The following SLC39A11 variants were observed in gnomAD, a reference collection of about 807,000 sequenced individuals.
SLC39A11 encodes the protein solute carrier family 39 member 11, also known as zinc transporter ZIP11.
SLC39A11 carries 33 observed loss-of-function variants against 36.1 expected under a neutral mutation model. The observed-to-expected ratio is 0.91, with a 90% CI of 0.69 to 1.22. The LOEUF (loss-of-function observed/expected upper bound fraction) is 1.22, where lower values mean the gene tolerates loss of function less well. Among genes scored for constraint, SLC39A11 ranks in the 50% most tolerant of loss-of-function variants. The probability of loss-of-function intolerance (pLI) is 0.00; values close to 1 mark genes in which losing one functional copy is unlikely to be tolerated. For missense variants in SLC39A11, 432 were observed against 430.3 expected (o/e 1.00, Z -0.03); for synonymous variants, 166 against 170.3 (o/e 0.97, Z 0.20).
At chr17:72,723,274 T>C (rs2073780562) in intron 7 of SLC39A11, among the ~76,000 whole-genome samples, 1 of 152,098 alleles carries the variant, frequency 6.6e-6, no homozygotes, top group Non-Finnish European at 1.5e-5. Context: ...TGAGCACGTG[T>C]CTTAAAATCC....
chr17:72,890,267 A>G (rs1488505941), intron 5 of SLC39A11, among the ~76,000 whole-genome samples: 1 of 135,646 alleles, frequency 7.4e-6, no homozygotes, highest in African/African-American at 2.8e-5. Context: ...TCCATCTCAA[A>G]CAAACAACAA....
At chr17:72,735,719 C>A (rs2074399802) in intron 7 of SLC39A11, among the ~76,000 whole-genome samples, 1 of 152,136 alleles carries the variant, frequency 6.6e-6, no homozygotes, top group Admixed American at 6.6e-5. Context: ...AGTTTGCTGC[C>A]CTCAGATAGA....
intron 6 of SLC39A11, among the ~76,000 whole-genome samples, chr17:72,830,841 T>C (rs1260329750): frequency 6.6e-6 from 1 of 152,250 alleles, no homozygotes; most frequent in Middle Eastern, 3.4e-3. Context: ...CATTGGCTTA[T>C]TCCCCTGTCG....
intron 6 of SLC39A11, among the ~76,000 whole-genome samples, chr17:72,834,087 T>C: frequency 7.3e-6 from 1 of 136,462 alleles, no homozygotes; most frequent in East Asian, 2.6e-4. Context: ...AACAAACAAT[T>C]TGTGAAGTTA....
chr17:72,894,669 C>CAA (rs10657098), intron 5 of SLC39A11, among the ~76,000 whole-genome samples: 51,889 of 120,850 alleles, frequency 0.43, 10,951 homozygotes, highest in East Asian at 0.72. Flanking sequence ...GACCCTGTCT[C>CAA]AAAAAAAAAA....
intron 6 of SLC39A11, among the ~76,000 whole-genome samples, chr17:72,777,358 T>TC (rs2076170275): frequency 6.6e-6 from 1 of 151,752 alleles, no homozygotes; most frequent in South Asian, 2.1e-4. Flanking sequence ...TTGACCAGTA[T>TC]CCCCCCAAAA....
intron 7 of SLC39A11, among the ~76,000 whole-genome samples, chr17:72,688,041 A>G (rs2071839501): frequency 6.6e-6 from 1 of 152,178 alleles, no homozygotes; most frequent in Non-Finnish European, 1.5e-5. Context: ...ACAAACAGGA[A>G]AGAACCCAGC....
Position 72,947,552 on chromosome 17 carries a change from T to C in SLC39A11, c.430+200A>G, listed in dbSNP as rs1026836636. 4.1e-6 allele frequency: 3 copies of C among 734,080 alleles called. No individual in the cohort carries two copies. The Admixed American group carries it at 7.2e-5, about 18-fold the overall frequency. The allele number at this position is 734,080 out of a possible 1,614,324, so 45.5% of individuals were successfully genotyped here. On this transcript the variant is annotated intron_variant, in intron 5 of 9. Transcript: ENST00000255559. ...CCTTCTGTAGACTAAGCATGTGGTTTGGACAACAAATGAGAAATGAAGGTG... is the reference window on the plus strand; with the variant it reads ...CCTTCTGTAGACTAAGCATGTGGTTCGGACAACAAATGAGAAATGAAGGTG...
At chr17:72,669,761 A>AG (rs2070912039) in intron 7 of SLC39A11, among the ~76,000 whole-genome samples, 1 of 152,128 alleles carries the variant, frequency 6.6e-6, no homozygotes, top group East Asian at 1.9e-4. Flanking sequence ...TGAGAGACTG[A>AG]GGGGGGCAGA....
chr17:72,917,632 G>A (rs971236930), intron 5 of SLC39A11, among the ~76,000 whole-genome samples: 3 of 152,208 alleles, frequency 2.0e-5, no homozygotes, highest in Non-Finnish European at 4.4e-5. Context: ...TCATTTGCCT[G>A]ACAATTTAAC....
At chr17:72,808,528 A>G (rs992078255) in intron 6 of SLC39A11, among the ~76,000 whole-genome samples, 2 of 152,214 alleles carry the variant, frequency 1.3e-5, no homozygotes, top group Non-Finnish European at 2.9e-5. Context: ...AGGGGCCTGA[A>G]TTCTGCTAAA....
At chr17:72,937,564 G>A (rs1018737755) in intron 5 of SLC39A11, among the ~76,000 whole-genome samples, 4 of 152,170 alleles carry the variant, frequency 2.6e-5, no homozygotes, top group Non-Finnish European at 5.9e-5. Context: ...GAGGAGTTAG[G>A]AAAGCTGGCC....
chr17:72,700,117 G>A (rs2072539149), intron 7 of SLC39A11, among the ~76,000 whole-genome samples: 1 of 152,178 alleles, frequency 6.6e-6, no homozygotes, highest in Non-Finnish European at 1.5e-5. Flanking sequence ...TGCGCCTGGG[G>A]CGAAGGGACA....
At chr17:73,031,412 C>G in intron 4 of SLC39A11, 144 bp downstream of exon 4, 1 of 832,814 alleles carries the variant, frequency 1.2e-6, no homozygotes, top group Non-Finnish European at 1.8e-6. Context: ...CCGATCAGTT[C>G]CTCTAATGCC....
chr17:73,054,162 A>C (rs2059593788), intron 3 of SLC39A11, among the ~76,000 whole-genome samples: 1 of 152,148 alleles, frequency 6.6e-6, no homozygotes, highest in Non-Finnish European at 1.5e-5. Flanking sequence ...CCGGAGTTCG[A>C]GACCAGCCTG....
Position 73,004,232 on chromosome 17 carries a change from A to AAAGAAAGAAAAGAAAAG in SLC39A11, c.306+27323_306+27324insCTTTTCTTTTCTTTCTT. ...GAAAGAAAGAAAGAAAGAAAGAAAG[A>AAAGAAAGAAAAGAAAAG]AAAGAAAGAAAGAGAAAAAGCAAGC... On this transcript the variant is annotated intron_variant, in intron 4 of 9. Transcript: ENST00000255559. 3.4e-3 allele frequency among the ~76,000 whole-genome samples: 300 copies of AAAGAAAGAAAAGAAAAG among 88,656 alleles called. 8 individuals are homozygous for AAAGAAAGAAAAGAAAAG. The highest frequency in any genetic ancestry group is 0.014 in the East Asian group (48 of 3,474). 58.2% of individuals were successfully genotyped at this position (88,656 alleles called of 152,430 possible).
intron 3 of SLC39A11, among the ~76,000 whole-genome samples, chr17:73,076,968 T>C (rs1284142053): frequency 6.6e-6 from 1 of 152,022 alleles, no homozygotes; most frequent in Admixed American, 6.6e-5. Context: ...GGATGTTAAG[T>C]AGCATCCCTG....
rs980191097 is a variant in SLC39A11 at position 72,974,248 on chromosome 17, C to T, written c.307-26373G>A. 4.6e-5 allele frequency among the ~76,000 whole-genome samples: 7 copies of T among 151,942 alleles called. No homozygotes were observed. The South Asian group carries it at 6.2e-4, about 14-fold the overall frequency. The stretch of plus-strand genomic sequence containing the variant: ...CTGAGTACCTGGGATTACAGGCGCC[C>T]GCCACCACACTTGGCTAATTTTTGT... On this transcript the variant is annotated intron_variant, in intron 4 of 9. Coordinates refer to ENST00000255559, the MANE Select transcript of SLC39A11 (RefSeq NM_139177.4).
chr17:72,774,330 A>T (rs1445027700), intron 6 of SLC39A11, among the ~76,000 whole-genome samples: 2 of 152,182 alleles, frequency 1.3e-5, no homozygotes, highest in Non-Finnish European at 2.9e-5. Flanking sequence ...TGCTCCTGAG[A>T]AATTAATGGC....
Sources: gnomAD v4.1 joint callset for allele counts (sites outside exome capture counted in the v4.1 genomes callset) on GRCh38, gnomAD v4.1.1 for gene constraint, MANE v1.5 for transcripts, NCBI Gene and HGNC (gene_info 2026-07-23, HGNC 2026-07-21) for gene names.